Variants in LINGO2 observed in about 807,000 individuals in gnomAD.
The protein encoded by LINGO2 is leucine-rich repeat and immunoglobulin-like domain-containing nogo receptor-interacting protein 2.
In LINGO2, 14 loss-of-function variants were observed where a neutral mutation model predicts 30.6. The ratio of observed to expected loss-of-function variants is 0.46; its 90% CI spans 0.30 to 0.72. The LOEUF (loss-of-function observed/expected upper bound fraction) is 0.72, where lower values mean the gene tolerates loss of function less well. Among genes scored for constraint, LINGO2 ranks in the 30% least tolerant of loss-of-function variants. The probability of loss-of-function intolerance (pLI) is 0.07; values close to 1 mark genes in which losing one functional copy is unlikely to be tolerated. For synonymous variants in LINGO2, 317 were observed against 288.5 expected (o/e 1.10, Z -1.00); for missense variants, 729 against 751.7 (o/e 0.97, Z 0.35).
At chr9:29,174,600 A>C in the LINGO2 span, among the ~76,000 whole-genome samples, 24 of 152,222 alleles carry the variant, frequency 1.6e-4, no homozygotes, top group Admixed American at 6.5e-5. Flanking sequence ...TTTCCCTTTT[A>C]TGTCTTATGG....
intron 4 of LINGO2, among the ~76,000 whole-genome samples, chr9:28,216,843 G>A (rs963441954): frequency 1.3e-5 from 2 of 151,740 alleles, no homozygotes; most frequent in Non-Finnish European, 1.5e-5. Flanking sequence ...GGATCTGTAA[G>A]TTAGAAATTT....
chr9:29,077,663 A>C, the LINGO2 span, among the ~76,000 whole-genome samples: 1 of 152,220 alleles, frequency 6.6e-6, no homozygotes, highest in African/African-American at 2.4e-5. Context: ...AAACTGAAAC[A>C]GAATATAAAT....
At chr9:28,679,067 T>C in the LINGO2 span, among the ~76,000 whole-genome samples, 1 of 152,124 alleles carries the variant, frequency 6.6e-6, no homozygotes, top group Non-Finnish European at 1.5e-5. Context: ...GATATTGTGT[T>C]CACTCAGCTG....
chr9:28,264,229 G>A (rs1048967992), intron 4 of LINGO2, among the ~76,000 whole-genome samples: 6 of 151,798 alleles, frequency 4.0e-5, no homozygotes, highest in South Asian at 4.2e-4. Flanking sequence ...TTTTCGCTAC[G>A]CCCTCTATTA....
In LINGO2 at chr9:28,071,613, G is replaced by A. The variant is rs191229224; in HGVS notation, c.-86-59208C>T. Reference sequence around the variant, plus strand: ...TTATCAAATTCCTATCTGTGACAAGGGCCCCTAAAAACACTAGAAGGTGGG... The same window carrying A: ...TTATCAAATTCCTATCTGTGACAAGAGCCCCTAAAAACACTAGAAGGTGGG... On this transcript the variant is annotated intron_variant, in intron 4 of 5. Coordinates refer to ENST00000379992, the Ensembl canonical transcript of LINGO2. Among the ~76,000 whole-genome samples, 68 of 150,386 alleles carry A rather than the reference G, an allele frequency of 4.5e-4. 1 individual carries two copies. Among genetic ancestry groups the A allele is most frequent in the African/African-American group, 1.6e-3 (66 of 40,816 alleles).
At chr9:28,847,022 A>C in the LINGO2 span, among the ~76,000 whole-genome samples, 2 of 146,192 alleles carry the variant, frequency 1.4e-5, no homozygotes, top group African/African-American at 2.7e-5. Flanking sequence ...GCTTATTCCT[A>C]CAAGTGGCAA....
chr9:28,205,682 A>C (rs575775878), intron 4 of LINGO2, among the ~76,000 whole-genome samples: 48 of 152,190 alleles, frequency 3.2e-4, no homozygotes, highest in Non-Finnish European at 6.2e-4. Flanking sequence ...GTAGAAAATC[A>C]TTCATTTCGG....
intron 4 of LINGO2, among the ~76,000 whole-genome samples, chr9:28,132,486 G>A (rs1827405026): frequency 6.6e-6 from 1 of 152,176 alleles, no homozygotes; most frequent in Non-Finnish European, 1.5e-5. Context: ...ATAGCTGTCA[G>A]AATTATAACC....
At chr9:29,019,436 T>A in the LINGO2 span, among the ~76,000 whole-genome samples, 1 of 152,202 alleles carries the variant, frequency 6.6e-6, no homozygotes, top group Non-Finnish European at 1.5e-5. Context: ...AGTTTTGTTA[T>A]TTATACCCCC....
intron 2 of LINGO2, among the ~76,000 whole-genome samples, chr9:28,458,577 T>G (rs2135108831): frequency 6.6e-6 from 1 of 152,286 alleles, no homozygotes; most frequent in Middle Eastern, 3.4e-3. Flanking sequence ...GAGCAAAAAC[T>G]TGGTCATCCT....
chr9:28,155,164 T>C (rs971770065), intron 4 of LINGO2, among the ~76,000 whole-genome samples: 2 of 152,342 alleles, frequency 1.3e-5, no homozygotes, highest in African/African-American at 4.8e-5. Context: ...AAGGTTATCT[T>C]GATAATACAC....
chr9:28,306,672 A>G (rs1177732845), intron 3 of LINGO2, among the ~76,000 whole-genome samples: 2 of 152,226 alleles, frequency 1.3e-5, no homozygotes, highest in Admixed American at 1.3e-4. Flanking sequence ...CAAAATTGAT[A>G]GACCGCTAGC....
the LINGO2 span, among the ~76,000 whole-genome samples, chr9:29,156,953 A>G: frequency 6.6e-6 from 1 of 152,100 alleles, no homozygotes; most frequent in East Asian, 1.9e-4. Flanking sequence ...ACAAAGGCAG[A>G]ATAAACAATA....
intron 4 of LINGO2, among the ~76,000 whole-genome samples, chr9:28,164,299 G>A (rs1011839528): frequency 3.2e-4 from 48 of 152,260 alleles, no homozygotes; most frequent in African/African-American, 1.1e-3. Context: ...ACTAGACACT[G>A]TGGTAAAATA....
chr9:29,098,519 T>C, the LINGO2 span, among the ~76,000 whole-genome samples: 2 of 151,360 alleles, frequency 1.3e-5, no homozygotes, highest in South Asian at 4.2e-4. Context: ...TATCAAGAAG[T>C]AGAGAAGTAG....
chr9:28,959,612 TCACACACA>T, the LINGO2 span, among the ~76,000 whole-genome samples: 1 of 132,218 alleles, frequency 7.6e-6, no homozygotes. Context: ...TCTCTCTCCC[TCACACACA>T]CACACACACA....
intron 2 of LINGO2, among the ~76,000 whole-genome samples, chr9:28,379,869 G>C (rs1381306885): frequency 1.3e-5 from 2 of 152,028 alleles, no homozygotes; most frequent in African/African-American, 4.8e-5. Flanking sequence ...GCATTCAAGT[G>C]GGGGCATGCA....
At chr9:28,931,995 C>A in the LINGO2 span, among the ~76,000 whole-genome samples, 2 of 151,788 alleles carry the variant, frequency 1.3e-5, no homozygotes, top group East Asian at 1.9e-4. Flanking sequence ...GTAGTCCCAG[C>A]AGCTAGGGAG....
At chr9:29,017,735 T>C in the LINGO2 span, among the ~76,000 whole-genome samples, 1 of 151,900 alleles carries the variant, frequency 6.6e-6, no homozygotes, top group Admixed American at 6.6e-5. Context: ...GAGGAAAGGG[T>C]AAGTGAGAAC....
Sources: allele counts gnomAD v4.1 joint callset (sites outside exome capture counted in the v4.1 genomes callset), GRCh38; gene constraint gnomAD v4.1.1; transcripts MANE v1.5; gene names NCBI Gene and HGNC (gene_info 2026-07-23, HGNC 2026-07-21).